PLPPR5: variants seen among roughly 807,000 people sequenced by gnomAD.
PLPPR5 encodes the protein phospholipid phosphatase-related protein type 5.
PLPPR5 carries 16 observed loss-of-function variants against 33.9 expected under a neutral mutation model. That is an observed-to-expected ratio of 0.47 (90% CI 0.32 to 0.72). The LOEUF is 0.72. Among genes scored for constraint, PLPPR5 ranks in the 30% least tolerant of loss-of-function variants. The pLI is 0.03. For synonymous variants in PLPPR5, 163 were observed against 150.3 expected (o/e 1.08, Z -0.62); for missense variants, 301 against 406.7 (o/e 0.74, Z 2.23).
chr1:98,931,699 C>T (rs1005951646), intron 3 of PLPPR5, among the ~76,000 whole-genome samples: 1 of 151,650 alleles, frequency 6.6e-6, no homozygotes, highest in Non-Finnish European at 1.5e-5. Context: ...TGGGTCGGGA[C>T]GGGGGTGAGT....
chr1:98,934,945 G>C (rs531383411), intron 3 of PLPPR5, among the ~76,000 whole-genome samples: 10 of 151,864 alleles, frequency 6.6e-5, no homozygotes, highest in Non-Finnish European at 1.3e-4. Flanking sequence ...ATGGTTCATA[G>C]AATTAAAAAA....
intron 1 of PLPPR5, among the ~76,000 whole-genome samples, chr1:98,978,047 C>T (rs1385487689): frequency 1.3e-5 from 2 of 151,908 alleles, no homozygotes; most frequent in Non-Finnish European, 2.9e-5. Flanking sequence ...CTTTTACTTG[C>T]TCCAAATTTT....
chr1:98,997,171 C>T (rs967199126), intron 1 of PLPPR5, among the ~76,000 whole-genome samples: 2 of 152,130 alleles, frequency 1.3e-5, no homozygotes, highest in Non-Finnish European at 2.9e-5. Flanking sequence ...TATCACTTAT[C>T]AAGCACTTAG....
chr1:98,952,805 A>G (rs763198934), intron 3 of PLPPR5, among the ~76,000 whole-genome samples: 5 of 152,218 alleles, frequency 3.3e-5, no homozygotes, highest in Non-Finnish European at 5.9e-5. Context: ...CCTGTTTAAT[A>G]TAAAGACAAA....
intron 1 of PLPPR5, among the ~76,000 whole-genome samples, chr1:98,990,404 A>C (rs909273866): frequency 1.3e-5 from 2 of 152,072 alleles, no homozygotes; most frequent in Admixed American, 1.3e-4. Context: ...AAACAAAAAA[A>C]GAAAAAGCAC....
chr1:98,982,837 T>G (rs2100753477), intron 1 of PLPPR5, among the ~76,000 whole-genome samples: 1 of 152,206 alleles, frequency 6.6e-6, no homozygotes, highest in African/African-American at 2.4e-5. Flanking sequence ...GGGTTGTAAG[T>G]TCCTCTTAGG....
At chr1:98,893,310 A>G (rs1374650730) in intron 5 of PLPPR5, among the ~76,000 whole-genome samples, 1 of 152,102 alleles carries the variant, frequency 6.6e-6, no homozygotes, top group Non-Finnish European at 1.5e-5. Flanking sequence ...AATTATACAA[A>G]TAGATTAAAA....
chr1:98,974,208 T>C (rs1651765193), intron 1 of PLPPR5, among the ~76,000 whole-genome samples: 1 of 151,956 alleles, frequency 6.6e-6, no homozygotes, highest in Admixed American at 6.6e-5. Flanking sequence ...TATCATGCCA[T>C]GAAAACCAGA....
At position 98,909,858 on chromosome 1, in the gene PLPPR5, A is replaced by G. The variant is rs537673451; in HGVS notation, c.933+4928T>C. 2.6e-5 allele frequency among the ~76,000 whole-genome samples: 4 copies of G among 152,300 alleles called. No individual in the cohort carries two copies. In the East Asian group the frequency reaches 5.8e-4, roughly 22 times the overall value. ...AATATTTAGTGGACGTTGGGATGCA[A>G]CGGGCCAGTTTCCACAGATGATTAA... On this transcript the variant is annotated intron_variant, in intron 5 of 5. Coordinates refer to ENST00000263177, the MANE Select transcript of PLPPR5 (RefSeq NM_001037317.2).
chr1:98,968,869 C>T (rs1651546619), intron 1 of PLPPR5, among the ~76,000 whole-genome samples: 1 of 152,012 alleles, frequency 6.6e-6, no homozygotes, highest in African/African-American at 2.4e-5. Context: ...TACTAAGATA[C>T]AAAGCCAGAC....
chr1:98,909,449 A>T (rs899739324), intron 5 of PLPPR5, among the ~76,000 whole-genome samples: 6 of 151,586 alleles, frequency 4.0e-5, no homozygotes, highest in Non-Finnish European at 7.4e-5. Context: ...AGTCTTTTTT[A>T]AAAAAACTTT....
chr1:98,892,353 T>C lies in PLPPR5; in HGVS notation c.*719A>G, dbSNP rs1648306757. On this transcript the variant is annotated 3_prime_UTR_variant, in exon 6 of 6. Transcript: ENST00000263177. ...AACAAGTCATGAATTAAGCCACAAT[T>C]GTCAGGAGAAGAAGTCCAAATAAAT... 6.6e-6 allele frequency: 1 copy of C among 152,450 alleles called. No homozygotes were observed. Among genetic ancestry groups the C allele is most frequent in the South Asian group, 2.1e-4 (1 of 4,832 alleles). 9.4% of individuals were successfully genotyped at this position (152,450 alleles called of 1,614,324 possible). A position where few individuals can be genotyped will look rare whatever the true frequency, so the allele number is the denominator to read the frequency against.
chr1:98,978,187 A>G (rs1651929351), intron 1 of PLPPR5, among the ~76,000 whole-genome samples: 1 of 152,028 alleles, frequency 6.6e-6, no homozygotes, highest in Non-Finnish European at 1.5e-5. Flanking sequence ...TTCCTCACAT[A>G]GAGAAGAAAA....
intron 3 of PLPPR5, among the ~76,000 whole-genome samples, chr1:98,927,795 A>G (rs1477497495): frequency 6.6e-6 from 1 of 151,186 alleles, no homozygotes; most frequent in Non-Finnish European, 1.5e-5. Flanking sequence ...CTCTCCTCCA[A>G]CCCTCCACTT....
intron 2 of PLPPR5, among the ~76,000 whole-genome samples, chr1:98,955,507 T>C (rs1650971182): frequency 6.6e-6 from 1 of 152,102 alleles, no homozygotes; most frequent in Non-Finnish European, 1.5e-5. Flanking sequence ...CTTTTAAGGT[T>C]TCATATAAAA....
At chr1:98,943,101 A>G (rs1436219807) in intron 3 of PLPPR5, among the ~76,000 whole-genome samples, 2 of 152,204 alleles carry the variant, frequency 1.3e-5, no homozygotes, top group Non-Finnish European at 2.9e-5. Context: ...AGAACATAGC[A>G]TCCCTTAGGG....
intron 3 of PLPPR5, among the ~76,000 whole-genome samples, chr1:98,945,578 C>G (rs899889455): frequency 6.6e-6 from 1 of 152,122 alleles, no homozygotes; most frequent in Non-Finnish European, 1.5e-5. Flanking sequence ...AACAGACTAG[C>G]TGAATAACCC....
chr1:98,990,902 G>A (rs1652427831), intron 1 of PLPPR5: 1 of 152,030 alleles, frequency 6.6e-6, no homozygotes, highest in African/African-American at 2.4e-5. Flanking sequence ...AAATATTAGC[G>A]TTATTTATAT....
At chr1:98,970,741 T>C (rs1651628680) in intron 1 of PLPPR5, among the ~76,000 whole-genome samples, 1 of 151,988 alleles carries the variant, frequency 6.6e-6, no homozygotes, top group South Asian at 2.1e-4. Flanking sequence ...GTCTCACAGC[T>C]AGTAAATGAC....
Sources: gnomAD v4.1 joint callset for allele counts (sites outside exome capture counted in the v4.1 genomes callset) on GRCh38, gnomAD v4.1.1 for gene constraint, MANE v1.5 for transcripts, NCBI Gene and HGNC (gene_info 2026-07-23, HGNC 2026-07-21) for gene names.